The following GFM2 variants were observed in gnomAD, a reference collection of about 807,000 sequenced individuals.
GFM2 encodes the protein ribosome-releasing factor 2, mitochondrial.
In GFM2, 72 loss-of-function variants were observed where a neutral mutation model predicts 95.4. That is an observed-to-expected ratio of 0.76 (90% CI 0.62 to 0.92). GFM2 has a LOEUF of 0.92. Among genes scored for constraint, GFM2 ranks in the 40% least tolerant of loss-of-function variants. GFM2 has a pLI of 0.00. For synonymous variants in GFM2, 276 were observed against 317.5 expected, an observed-to-expected ratio of 0.87 and a Z score of 1.39; for missense variants, 825 against 924.1, an observed-to-expected ratio of 0.89 and a Z score of 1.39.
chr5:74,749,674 A>G (rs1269352746), intron 7 of GFM2, among the ~76,000 whole-genome samples: 1 of 152,226 alleles, frequency 6.6e-6, no homozygotes, highest in Non-Finnish European at 1.5e-5. Flanking sequence ...TATATAACCA[A>G]TACTATTATT....
At chr5:74,733,800 A>G (rs761468836) in intron 15 of GFM2, among the ~76,000 whole-genome samples, 2 of 152,230 alleles carry the variant, frequency 1.3e-5, no homozygotes, top group African/African-American at 2.4e-5. Flanking sequence ...AAAACTGGCA[A>G]TAATGAAGTG....
Position 74,726,037 on chromosome 5 carries a change from C to T in GFM2, c.1816G>A (p.Val606Met). The change falls in exon 18 of 21, where the codon GTG becomes ATG. Residue 606 changes from valine (V) to methionine (M), a missense_variant. Physicochemically the swap from Val to Met is conservative, Grantham distance 21. Coordinates refer to ENST00000296805, the MANE Select transcript of GFM2 (RefSeq NM_032380.5). ...RPIETSSVMP[V>M]IEFEYAESIN... ...CTTTCAGCATACTCAAACTCAATCA[C>T]AGGCATAACAGATGATGTTTCAATT... The T allele has an allele frequency of 6.2e-7, 1 of 1,612,678 alleles. No homozygotes were observed. The highest frequency in any genetic ancestry group is 1.3e-5 in the African/African-American group (1 of 74,610).
At chr5:74,765,882 C>T (rs1481767330) in intron 1 of GFM2, among the ~76,000 whole-genome samples, 1 of 152,124 alleles carries the variant, frequency 6.6e-6, no homozygotes, top group East Asian at 1.9e-4. Flanking sequence ...GCCTATAATT[C>T]CAGCTACTTG....
chr5:74,730,395 C>T lies in GFM2; in HGVS notation c.1591G>A (p.Val531Ile), dbSNP rs755563453. 6.3e-7 allele frequency: 1 copy of T among 1,584,496 alleles called. No individual in the cohort carries two copies. The highest frequency in any genetic ancestry group is 1.2e-5 in the South Asian group (1 of 85,880). ...TGTAACTCCCCCATACCACACAGAA[C>T]AGTCTGGTTACCAGAGGAATGAAAT... ...VRLDPDSGQT[V>I]LCGMGELHIE... Residue 531 changes from valine (V) to isoleucine (I), a missense_variant, in exon 17 of 21, where the codon GTT becomes ATT. Physicochemically the swap from Val to Ile is conservative, Grantham distance 29 (BLOSUM62 3). Transcript: ENST00000296805.
At chr5:74,751,548 G>A (rs199920365) in intron 5 of GFM2, 55 bp from the exon 6 acceptor site, 58 of 1,347,724 alleles carry the variant, frequency 4.3e-5, no homozygotes, top group East Asian at 4.6e-5. Flanking sequence ...TATTTTATTC[G>A]TGCTCAATAT....
In GFM2 at chr5:74,739,155, T is replaced by TGC. The variant is rs373860492; in HGVS notation, c.1080-515_1080-514dup. ...GAGTTCTCCTGCAATTGCCAAATTTTGCGCATCTAAGGAGAGCTCCATATT... is the reference window on the plus strand; with the variant it reads ...GAGTTCTCCTGCAATTGCCAAATTTTGCGCGCATCTAAGGAGAGCTCCATATT... On this transcript the variant is annotated intron_variant, in intron 12 of 20. Coordinates refer to ENST00000296805, the MANE Select transcript of GFM2 (RefSeq NM_032380.5). 4.3e-3 allele frequency among the ~76,000 whole-genome samples: 660 copies of TGC among 152,270 alleles called. 10 individuals are homozygous for TGC. Among genetic ancestry groups the TGC allele is most frequent in the African/African-American group, 0.015 (622 of 41,582 alleles).
At chr5:74,737,104 A>C in intron 14 of GFM2, 119 bp from the exon 15 acceptor site, 1 of 892,470 alleles carries the variant, frequency 1.1e-6, no homozygotes, top group South Asian at 1.8e-5. Flanking sequence ...AGAACTTAAA[A>C]GAGAAATAAA....
chr5:74,741,474 C>A, intron 11 of GFM2, 55 bp downstream of exon 11: 1 of 822,920 alleles, frequency 1.2e-6, no homozygotes, highest in Non-Finnish European at 2.0e-6. Context: ...GCAGAGAAAT[C>A]AAACTACATC....
chr5:74,733,609 T>C (rs902155441), intron 15 of GFM2, among the ~76,000 whole-genome samples: 7 of 152,100 alleles, frequency 4.6e-5, no homozygotes, highest in African/African-American at 1.4e-4. Context: ...AAGAATAGCA[T>C]CAGATGAGGA....
chr5:74,740,261 G>A, intron 11 of GFM2, 124 bp from the exon 12 acceptor site: 1 of 642,250 alleles, frequency 1.6e-6, no homozygotes, highest in South Asian at 2.5e-5. Context: ...TCATCATTTT[G>A]TTGGCTTAGT....
intron 14 of GFM2, among the ~76,000 whole-genome samples, chr5:74,737,567 C>CA (rs1316411009): frequency 6.6e-6 from 1 of 152,098 alleles, no homozygotes; most frequent in African/African-American, 2.4e-5. Context: ...CAAATACATA[C>CA]AAGGAGCTCC....
intron 16 of GFM2, 73 bp downstream of exon 16, chr5:74,732,927 GACACACACACACACACACACAC>G (rs67360841): frequency 8.0e-4 from 324 of 403,604 alleles, no homozygotes; most frequent in East Asian, 1.9e-3. Context: ...TAATGTTTTA[GACACACACACACACACACACAC>G]ACACACACAC....
intron 7 of GFM2, 59 bp from the exon 8 acceptor site, chr5:74,747,839 CT>C: frequency 2.1e-6 from 2 of 957,080 alleles, no homozygotes; most frequent in East Asian, 5.0e-5. Context: ...GTTACTAGAC[CT>C]GGAATGAAGA....
chr5:74,729,155 T>A (rs1025426555), intron 17 of GFM2, among the ~76,000 whole-genome samples: 5 of 152,184 alleles, frequency 3.3e-5, no homozygotes, highest in Non-Finnish European at 7.3e-5. Flanking sequence ...ACTAAAGAAC[T>A]AAGTTCTTCT....
In GFM2 at chr5:74,721,333, C is replaced by G. The variant is rs1749868222; in HGVS notation, c.*322G>C. 2.6e-6 allele frequency: 2 copies of G among 767,116 alleles called. No individual in the cohort carries two copies. The allele number at this position is 767,116 out of a possible 1,614,324, so 47.5% of individuals were successfully genotyped here. ...TTACATTTAGAGGCCTGGCATCTTT[C>G]TTGTGAGACAAGCTTAAGGACACAA... On this transcript the variant is annotated 3_prime_UTR_variant, in exon 21 of 21. Coordinates refer to ENST00000296805, the MANE Select transcript of GFM2 (RefSeq NM_032380.5).
At chr5:74,726,955 C>A (rs1404670867) in intron 17 of GFM2, among the ~76,000 whole-genome samples, 1 of 152,028 alleles carries the variant, frequency 6.6e-6, no homozygotes, top group Non-Finnish European at 1.5e-5. Flanking sequence ...TTACTTGAGG[C>A]CAGGAATTTG....
intron 17 of GFM2, among the ~76,000 whole-genome samples, chr5:74,727,998 T>C (rs1437195792): frequency 6.6e-6 from 1 of 152,134 alleles, no homozygotes; most frequent in Non-Finnish European, 1.5e-5. Flanking sequence ...TCAACATCTC[T>C]CCTTTCCCCA....
chr5:74,740,143 G>A lies in GFM2; in HGVS notation c.931-6C>T, dbSNP rs953700214. The A allele has an allele frequency of 3.1e-6, 5 of 1,590,854 alleles. No individual in the cohort carries two copies. The African/African-American group carries it at 6.8e-5, about 22-fold the overall frequency. ...CTATGTATTGCAGTCTGTAGCTACAGAGCAGAGATACAAATGAGCATTTAT... is the reference window on the plus strand; with the variant it reads ...CTATGTATTGCAGTCTGTAGCTACAAAGCAGAGATACAAATGAGCATTTAT... On this transcript the variant is annotated splice_region_variant and splice_polypyrimidine_tract_variant and intron_variant, in intron 11 of 20. Coordinates refer to ENST00000296805, the MANE Select transcript of GFM2 (RefSeq NM_032380.5).
chr5:74,727,134 T>C (rs909142054), intron 17 of GFM2, among the ~76,000 whole-genome samples: 2 of 152,148 alleles, frequency 1.3e-5, no homozygotes, highest in African/African-American at 4.8e-5. Flanking sequence ...TGCCATTGTA[T>C]GCCAGCCTGC....
Sources: gnomAD v4.1 joint callset for allele counts (sites outside exome capture counted in the v4.1 genomes callset) on GRCh38, gnomAD v4.1.1 for gene constraint, MANE v1.5 for transcripts, NCBI Gene and HGNC (gene_info 2026-07-23, HGNC 2026-07-21) for gene names.